Variants in NGF observed in about 807,000 individuals in gnomAD.
The protein encoded by NGF is beta-nerve growth factor.
NGF carries 4 observed loss-of-function variants against 12.8 expected under a neutral mutation model. That is an observed-to-expected ratio of 0.31 (90% CI 0.15 to 0.72). The LOEUF is 0.72. Ranked by LOEUF, NGF falls within the 30% of genes least tolerant of loss-of-function variation. NGF has a pLI of 0.69. For missense variants in NGF, 283 were observed against 330.8 expected (o/e 0.86, Z 1.12); for synonymous variants, 140 against 130.0 (o/e 1.08, Z -0.52).
intron 1 of NGF, among the ~76,000 whole-genome samples, chr1:115,330,356 G>C (rs1184017935): frequency 1.3e-5 from 2 of 152,174 alleles, no homozygotes; most frequent in African/African-American, 4.8e-5. Context: ...GTATGCTTTA[G>C]CAAAAGAAAC....
intron 1 of NGF, among the ~76,000 whole-genome samples, chr1:115,306,468 T>G (rs1654208306): frequency 6.6e-6 from 1 of 152,234 alleles, no homozygotes; most frequent in Non-Finnish European, 1.5e-5. Context: ...GTTGTTTGTT[T>G]GTTTTAGGCA....
At chr1:115,335,833 C>T (rs751667166) in intron 1 of NGF, among the ~76,000 whole-genome samples, 1 of 152,180 alleles carries the variant, frequency 6.6e-6, no homozygotes, top group African/African-American at 2.4e-5. Flanking sequence ...TGCTCTGATG[C>T]AGGGTACTGC....
intron 1 of NGF, among the ~76,000 whole-genome samples, chr1:115,326,473 C>T (rs1654781827): frequency 6.6e-6 from 1 of 152,128 alleles, no homozygotes; most frequent in Non-Finnish European, 1.5e-5. Flanking sequence ...AAAATGAGGG[C>T]ACTATAGCAA....
At chr1:115,333,534 C>T (rs1055037571) in intron 1 of NGF, among the ~76,000 whole-genome samples, 4 of 150,036 alleles carry the variant, frequency 2.7e-5, no homozygotes, top group Admixed American at 6.6e-5. Flanking sequence ...ACTTCCCGCA[C>T]GTGAATGCGT....
At chr1:115,303,370 A>T (rs1456929395) in intron 1 of NGF, among the ~76,000 whole-genome samples, 1 of 152,088 alleles carries the variant, frequency 6.6e-6, no homozygotes, top group Non-Finnish European at 1.5e-5. Flanking sequence ...ATTATCTTCA[A>T]CAACCACCAC....
chr1:115,302,343 A>G (rs1654061632), intron 1 of NGF, among the ~76,000 whole-genome samples: 1 of 152,222 alleles, frequency 6.6e-6, no homozygotes, highest in Non-Finnish European at 1.5e-5. Flanking sequence ...AAAAGTGTAC[A>G]TAGGTGTTGT....
At chr1:115,286,961 T>C (rs946323534) in intron 2 of NGF, among the ~76,000 whole-genome samples, 154 bp from the exon 3 acceptor site, 1 of 151,960 alleles carries the variant, frequency 6.6e-6, no homozygotes. Flanking sequence ...GTGCTAGCAA[T>C]GGTTATACCG....
chr1:115,326,583 C>T (rs1318492714), intron 1 of NGF, among the ~76,000 whole-genome samples: 2 of 152,200 alleles, frequency 1.3e-5, no homozygotes, highest in Non-Finnish European at 2.9e-5. Flanking sequence ...TTCTTGGCCT[C>T]TGCCTCACAA....
At chr1:115,326,799 C>T (rs1654790784) in intron 1 of NGF, among the ~76,000 whole-genome samples, 1 of 152,194 alleles carries the variant, frequency 6.6e-6, no homozygotes, top group African/African-American at 2.4e-5. Flanking sequence ...CCTGGAGTTT[C>T]ACACTCCTGG....
chr1:115,331,639 A>T (rs370750574), intron 1 of NGF, among the ~76,000 whole-genome samples: 1 of 152,220 alleles, frequency 6.6e-6, no homozygotes, highest in East Asian at 1.9e-4. Flanking sequence ...TCTTGAAGAG[A>T]TCTGTATTGG....
chr1:115,294,618 G>T (rs1179883337), intron 1 of NGF, among the ~76,000 whole-genome samples: 1 of 152,234 alleles, frequency 6.6e-6, no homozygotes, highest in Non-Finnish European at 1.5e-5. Context: ...TCTGATGATA[G>T]AGAGCAACTG....
At chr1:115,291,217 C>T (rs1204615119) in intron 2 of NGF, among the ~76,000 whole-genome samples, 1 of 151,544 alleles carries the variant, frequency 6.6e-6, no homozygotes, top group Non-Finnish European at 1.5e-5. Flanking sequence ...GAGTGTGTTC[C>T]TATAAACTTT....
At position 115,307,579 on chromosome 1, in the gene NGF, A is replaced by G. The variant is rs187574768; in HGVS notation, c.-136-13829T>C. Among the ~76,000 whole-genome samples the G allele has an allele frequency of 2.2e-3, 334 of 152,376 alleles. 1 individual carries two copies. Among genetic ancestry groups the G allele is most frequent in the African/African-American group, 7.6e-3 (318 of 41,588 alleles). ...TGAATTTCCCTAGAGAAAAAGTCCA[A>G]GGAATAGGTAATCATAGCCATTTTA... On this transcript the variant is annotated intron_variant, in intron 1 of 2. Coordinates refer to ENST00000369512, the MANE Select transcript of NGF (RefSeq NM_002506.3).
At chr1:115,299,127 T>G (rs891798191) in intron 1 of NGF, among the ~76,000 whole-genome samples, 1 of 152,250 alleles carries the variant, frequency 6.6e-6, no homozygotes, top group Non-Finnish European at 1.5e-5. Context: ...AACTATCTAG[T>G]GGTTTTGGCA....
At chr1:115,290,371 A>T (rs75492068) in intron 2 of NGF, among the ~76,000 whole-genome samples, 7,669 of 146,996 alleles carry the variant, frequency 0.052, 303 homozygotes, top group Non-Finnish European at 0.084. Context: ...TCTGAGACAA[A>T]CTACCTTCTC....
intron 1 of NGF, among the ~76,000 whole-genome samples, chr1:115,325,261 C>CA: frequency 6.6e-6 from 1 of 152,242 alleles, no homozygotes; most frequent in East Asian, 1.9e-4. Flanking sequence ...CACACAACCA[C>CA]AACGGGAGGA....
chr1:115,328,888 G>T (rs1361257181), intron 1 of NGF, among the ~76,000 whole-genome samples: 1 of 152,158 alleles, frequency 6.6e-6, no homozygotes, highest in East Asian at 1.9e-4. Context: ...GCATGAAATG[G>T]GAGAAAGACA....
rs945893942 is a variant in NGF, at chr1:115,337,282, T to G, written c.-137+922A>C. 2.6e-3 allele frequency among the ~76,000 whole-genome samples: 320 copies of G among 124,660 alleles called. 12 individuals are homozygous for G. The highest frequency in any genetic ancestry group is 4.3e-3 in the African/African-American group (140 of 32,872). The allele number at this position is 124,660 out of a possible 152,430, so 81.8% of individuals were successfully genotyped here. A position where few individuals can be genotyped will look rare whatever the true frequency, so the allele number is the denominator to read the frequency against. On this transcript the variant is annotated intron_variant, in intron 1 of 2. Coordinates refer to ENST00000369512, the MANE Select transcript of NGF (RefSeq NM_002506.3). ...TTTTGTTTTTGTTTTTTTTTTTTTTTTTTTTTTTTTTTTTTTTTTTTTTAG... is the reference window on the plus strand; with the variant it reads ...TTTTGTTTTTGTTTTTTTTTTTTTTGTTTTTTTTTTTTTTTTTTTTTTTAG...
chr1:115,292,644 T>C (rs1249571852), intron 2 of NGF, among the ~76,000 whole-genome samples: 1 of 152,180 alleles, frequency 6.6e-6, no homozygotes, highest in Non-Finnish European at 1.5e-5. Flanking sequence ...TCAGCTTTGC[T>C]ATCTTTTAGA....
Sources: allele counts gnomAD v4.1 joint callset (sites outside exome capture counted in the v4.1 genomes callset), GRCh38; gene constraint gnomAD v4.1.1; transcripts MANE v1.5; gene names NCBI Gene and HGNC (gene_info 2026-07-23, HGNC 2026-07-21).